PTPRD: variants seen among roughly 807,000 people sequenced by gnomAD.
PTPRD encodes the protein protein tyrosine phosphatase receptor type D, also known as receptor-type tyrosine-protein phosphatase delta.
In PTPRD, 34 loss-of-function variants were observed where a neutral mutation model predicts 214.5. The observed-to-expected ratio is 0.16, with a 90% CI of 0.12 to 0.21. The LOEUF (loss-of-function observed/expected upper bound fraction) is 0.21, where lower values mean the gene tolerates loss of function less well. Among genes scored for constraint, PTPRD ranks in the 10% least tolerant of loss-of-function variants. The probability of loss-of-function intolerance (pLI) is 1.00; values close to 1 mark genes in which losing one functional copy is unlikely to be tolerated. For synonymous variants in PTPRD, 1,128 were observed against 845.7 expected (o/e 1.33, Z -5.79); for missense variants, 2,545 against 2,398.7 (o/e 1.06, Z -1.27).
intron 8 of PTPRD, among the ~76,000 whole-genome samples, chr9:9,555,285 T>C (rs960101762): frequency 1.2e-4 from 18 of 152,084 alleles, no homozygotes; most frequent in African/African-American, 4.3e-4. Flanking sequence ...AGTCTTTTCA[T>C]TGTTTACCTA....
At chr9:9,023,806 A>G (rs2099577628) in intron 10 of PTPRD, among the ~76,000 whole-genome samples, 1 of 151,946 alleles carries the variant, frequency 6.6e-6, no homozygotes, top group African/African-American at 2.4e-5. Context: ...TACGGCCTCC[A>G]TCTCCATCCA....
intron 12 of PTPRD, among the ~76,000 whole-genome samples, chr9:8,643,477 A>G (rs1314411159): frequency 6.6e-6 from 1 of 152,212 alleles, no homozygotes; most frequent in African/African-American, 2.4e-5. Context: ...TGAACCCCTC[A>G]TGATGGCAGC....
intron 3 of PTPRD, among the ~76,000 whole-genome samples, chr9:10,259,778 T>C (rs2093570263): frequency 1.3e-5 from 2 of 152,218 alleles, no homozygotes; most frequent in African/African-American, 4.8e-5. Context: ...ATGATCTGCC[T>C]GGTTCCTGTT....
At chr9:8,949,515 G>A (rs371674011) in intron 11 of PTPRD, among the ~76,000 whole-genome samples, 1 of 151,996 alleles carries the variant, frequency 6.6e-6, no homozygotes, top group African/African-American at 2.4e-5. Context: ...TAACGCCTTT[G>A]AAAGGTCCCT....
intron 3 of PTPRD, among the ~76,000 whole-genome samples, chr9:10,207,067 A>C (rs913000652): frequency 6.6e-6 from 1 of 152,144 alleles, no homozygotes; most frequent in African/African-American, 2.4e-5. Context: ...TTCATCATCT[A>C]TCTATATCTC....
At chr9:9,708,365 A>G (rs2097665058) in intron 7 of PTPRD, among the ~76,000 whole-genome samples, 1 of 152,108 alleles carries the variant, frequency 6.6e-6, no homozygotes, top group Admixed American at 6.6e-5. Flanking sequence ...TAAGAGAAGA[A>G]ACCCAAATGA....
At chr9:10,319,053 C>T (rs1250158597) in intron 3 of PTPRD, among the ~76,000 whole-genome samples, 1 of 151,968 alleles carries the variant, frequency 6.6e-6, no homozygotes, top group Non-Finnish European at 1.5e-5. Context: ...ATCATGTGAC[C>T]AACTCTTAAG....
At chr9:9,627,787 G>A (rs1293144350) in intron 7 of PTPRD, among the ~76,000 whole-genome samples, 1 of 152,194 alleles carries the variant, frequency 6.6e-6, no homozygotes, top group African/African-American at 2.4e-5. Context: ...TTGCATGTAT[G>A]TGACTGACTT....
intron 8 of PTPRD, chr9:9,442,176 T>G (rs1247901724): frequency 1.3e-5 from 2 of 152,304 alleles, no homozygotes; most frequent in Non-Finnish European, 2.9e-5. Context: ...GTGTCCGCAC[T>G]AAGTTCGGCA....
intron 10 of PTPRD, among the ~76,000 whole-genome samples, chr9:9,118,721 T>C (rs1041002166): frequency 2.0e-5 from 3 of 152,156 alleles, no homozygotes; most frequent in African/African-American, 7.2e-5. Context: ...ATTGAACAAA[T>C]AAGGTGACTA....
intron 10 of PTPRD, among the ~76,000 whole-genome samples, chr9:9,047,370 C>A (rs1192566801): frequency 6.6e-6 from 1 of 152,022 alleles, no homozygotes; most frequent in Non-Finnish European, 1.5e-5. Flanking sequence ...ATCAAAATAC[C>A]AATGACATTT....
intron 3 of PTPRD, among the ~76,000 whole-genome samples, chr9:10,235,804 A>T (rs2099626975): frequency 6.6e-6 from 1 of 152,060 alleles, no homozygotes; most frequent in African/African-American, 2.4e-5. Context: ...TTTAAAATGA[A>T]AATGACCTAC....
intron 10 of PTPRD, among the ~76,000 whole-genome samples, chr9:9,177,029 T>C (rs138543508): frequency 6.6e-6 from 1 of 152,290 alleles, no homozygotes; most frequent in African/African-American, 2.4e-5. Flanking sequence ...TTCATTTTCA[T>C]ACTGCTATAA....
At chr9:9,923,886 A>C (rs2153887835) in intron 5 of PTPRD, among the ~76,000 whole-genome samples, 1 of 152,134 alleles carries the variant, frequency 6.6e-6, no homozygotes, top group African/African-American at 2.4e-5. Context: ...AACAGAGAAA[A>C]ACAAAGACAG....
chr9:9,253,373 T>C (rs557937056), intron 9 of PTPRD, among the ~76,000 whole-genome samples: 2 of 152,094 alleles, frequency 1.3e-5, no homozygotes, highest in East Asian at 3.9e-4. Context: ...GTCTAGAAAT[T>C]ATTGGAAAAT....
intron 3 of PTPRD, among the ~76,000 whole-genome samples, chr9:10,231,989 A>AGAGAGAGAGAGAGAGTGT (rs1245284728): frequency 8.6e-5 from 8 of 92,494 alleles, no homozygotes; most frequent in African/African-American, 3.7e-4. Flanking sequence ...AGAGAGAGAG[A>AGAGAGAGAGAGAGAGTGT]GTGTGTGTGT....
At chr9:10,244,262 T>C (rs2091683806) in intron 3 of PTPRD, among the ~76,000 whole-genome samples, 1 of 152,128 alleles carries the variant, frequency 6.6e-6, no homozygotes, top group Non-Finnish European at 1.5e-5. Flanking sequence ...TTCATTGTGC[T>C]CTAATATTTG....
intron 34 of PTPRD, among the ~76,000 whole-genome samples, 156 bp downstream of exon 34, chr9:8,449,569 G>A (rs540682853): frequency 6.6e-6 from 1 of 152,120 alleles, no homozygotes; most frequent in African/African-American, 2.4e-5. Context: ...TTTCCTTTCA[G>A]ACTTTTGCTT....
At chr9:9,953,971 C>T (rs2093675456) in intron 4 of PTPRD, among the ~76,000 whole-genome samples, 1 of 151,892 alleles carries the variant, frequency 6.6e-6, no homozygotes, top group African/African-American at 2.4e-5. Context: ...CCATTTGCTA[C>T]CTTGAAGGAC....
Sources: gnomAD v4.1 joint callset for allele counts (sites outside exome capture counted in the v4.1 genomes callset) on GRCh38, gnomAD v4.1.1 for gene constraint, MANE v1.5 for transcripts, NCBI Gene and HGNC (gene_info 2026-07-23, HGNC 2026-07-21) for gene names.